The following CNTNAP2 variants were observed in gnomAD, a reference collection of about 807,000 sequenced individuals.
CNTNAP2 encodes the protein contactin-associated protein-like 2.
CNTNAP2 carries 98 observed loss-of-function variants against 155.2 expected under a neutral mutation model. The ratio of observed to expected loss-of-function variants is 0.63; its 90% CI spans 0.54 to 0.75. The LOEUF (loss-of-function observed/expected upper bound fraction) is 0.75. CNTNAP2 is among the 30% of genes least tolerant of loss of function. The pLI, the probability that CNTNAP2 is intolerant of heterozygous loss-of-function variation, is 0.00. For missense variants in CNTNAP2, 1,727 were observed against 1,688.1 expected, an observed-to-expected ratio of 1.02 and a Z score of -0.40; for synonymous variants, 651 against 631.2, an observed-to-expected ratio of 1.03 and a Z score of -0.47.
chr7:147,206,961 T>C (rs1377361279), intron 8 of CNTNAP2, among the ~76,000 whole-genome samples: 1 of 152,168 alleles, frequency 6.6e-6, no homozygotes, highest in Admixed American at 6.5e-5. Flanking sequence ...TACTGCTCAT[T>C]TCAGTAAATC....
chr7:147,059,204 G>A (rs1799616950), intron 4 of CNTNAP2, among the ~76,000 whole-genome samples: 1 of 152,100 alleles, frequency 6.6e-6, no homozygotes, highest in African/African-American at 2.4e-5. Context: ...TGCCTAGAGG[G>A]GCATAATACA....
At chr7:148,245,752 C>T (rs765921156) in intron 20 of CNTNAP2, among the ~76,000 whole-genome samples, 8 of 152,172 alleles carry the variant, frequency 5.3e-5, no homozygotes, top group Non-Finnish European at 7.3e-5. Context: ...GAATTCAGCT[C>T]AGCCAATTGT....
intron 9 of CNTNAP2, among the ~76,000 whole-genome samples, chr7:147,355,765 A>G (rs1428122044): frequency 1.3e-5 from 2 of 152,174 alleles, no homozygotes; most frequent in African/African-American, 4.8e-5. Context: ...GAATAGACCA[A>G]TAACAAGTTC....
intron 11 of CNTNAP2, among the ~76,000 whole-genome samples, chr7:147,550,526 A>G (rs1799831399): frequency 6.6e-6 from 1 of 152,196 alleles, no homozygotes; most frequent in Non-Finnish European, 1.5e-5. Context: ...TCCTTTATAA[A>G]TTACCCAGTC....
At chr7:146,633,832 G>GAAAAAAAAAA (rs60993956) in intron 1 of CNTNAP2, among the ~76,000 whole-genome samples, 1,136 of 78,960 alleles carry the variant, frequency 0.014, 80 homozygotes, top group Non-Finnish European at 0.018. Context: ...TGCATCTAGA[G>GAAAAAAAAAA]AAAAAAAAAA....
rs370388151 is a variant in CNTNAP2, at chr7:147,229,054, T to TAGAG, written c.1349-71086_1349-71085insGAGA. On this transcript the variant is annotated intron_variant, in intron 8 of 23. Coordinates refer to ENST00000361727, the MANE Select transcript of CNTNAP2 (RefSeq NM_014141.6). ...GCCACATTTTCTTTATATATATATA[T>TAGAG]ATAGAGAGAGAGACTAGATAGAAAC... Among the ~76,000 whole-genome samples, 225 of 151,664 alleles carry TAGAG rather than the reference T, an allele frequency of 1.5e-3. 1 individual carries two copies. Among genetic ancestry groups the TAGAG allele is most frequent in the South Asian group, 4.6e-3 (22 of 4,814 alleles).
chr7:148,266,090 C>T (rs1468691970), intron 20 of CNTNAP2, among the ~76,000 whole-genome samples: 1 of 152,178 alleles, frequency 6.6e-6, no homozygotes, highest in Non-Finnish European at 1.5e-5. Flanking sequence ...TGTCTCCTTC[C>T]TCTACACAAT....
chr7:148,217,806 A>G (rs539656150), intron 19 of CNTNAP2, among the ~76,000 whole-genome samples: 1 of 152,354 alleles, frequency 6.6e-6, no homozygotes, highest in East Asian at 1.9e-4. Context: ...TTGCATGTGT[A>G]ATGATTATTT....
At chr7:147,754,851 T>C (rs1444476975) in intron 13 of CNTNAP2, among the ~76,000 whole-genome samples, 2 of 152,194 alleles carry the variant, frequency 1.3e-5, no homozygotes, top group African/African-American at 4.8e-5. Context: ...TTATGAGGCT[T>C]AGTGACGGAT....
chr7:147,018,917 T>A (rs1798771855), intron 3 of CNTNAP2, among the ~76,000 whole-genome samples: 1 of 151,962 alleles, frequency 6.6e-6, no homozygotes, highest in Non-Finnish European at 1.5e-5. Context: ...AACTAATACC[T>A]CAGTGACAAT....
intron 13 of CNTNAP2, among the ~76,000 whole-genome samples, chr7:147,835,750 A>G (rs986165924): frequency 6.6e-6 from 1 of 152,216 alleles, no homozygotes; most frequent in Admixed American, 6.5e-5. Context: ...TCCTGGACTT[A>G]GAAATCTACT....
chr7:146,372,124 A>C (rs1337454273), intron 1 of CNTNAP2, among the ~76,000 whole-genome samples: 2 of 152,306 alleles, frequency 1.3e-5, no homozygotes, highest in East Asian at 3.9e-4. Context: ...TGGAAAGAAC[A>C]GATGTTAAAA....
intron 15 of CNTNAP2, among the ~76,000 whole-genome samples, chr7:148,085,152 C>CTA (rs933797918): frequency 6.6e-6 from 1 of 152,112 alleles, no homozygotes; most frequent in African/African-American, 2.4e-5. Flanking sequence ...CAGTTATGAC[C>CTA]TATATATATG....
chr7:147,848,666 C>A (rs573460731), intron 13 of CNTNAP2, among the ~76,000 whole-genome samples: 1 of 151,940 alleles, frequency 6.6e-6, no homozygotes, highest in Non-Finnish European at 1.5e-5. Context: ...AAGAATTTGG[C>A]CTGTCTGAAT....
chr7:147,243,790 A>G (rs1803994268), intron 8 of CNTNAP2, among the ~76,000 whole-genome samples: 1 of 152,156 alleles, frequency 6.6e-6, no homozygotes, highest in South Asian at 2.1e-4. Flanking sequence ...GCAAAATATT[A>G]AAAGATCTTC....
intron 13 of CNTNAP2, among the ~76,000 whole-genome samples, chr7:147,664,433 T>C (rs1489502425): frequency 1.3e-5 from 2 of 152,206 alleles, no homozygotes; most frequent in Non-Finnish European, 2.9e-5. Context: ...GTCTCAAAAA[T>C]CTGCCTCAAG....
intron 1 of CNTNAP2, among the ~76,000 whole-genome samples, chr7:146,434,921 C>G (rs1390670074): frequency 6.6e-6 from 1 of 152,136 alleles, no homozygotes; most frequent in Non-Finnish European, 1.5e-5. Flanking sequence ...CTCTGCAGGG[C>G]TTTGTGATAC....
At position 146,571,209 on chromosome 7, in the gene CNTNAP2, T is replaced by A. The variant is rs150004877; in HGVS notation, c.98-203062T>A. On this transcript the variant is annotated intron_variant, in intron 1 of 23. Transcript: ENST00000361727. ...ATTCATGGTGTACTCAAAATAATAC[T>A]GTTGGCAGACTGTATATGAGCTGTG... is the stretch of plus-strand genomic sequence containing the variant. Among the ~76,000 whole-genome samples, 725 of 152,246 alleles carry A rather than the reference T, an allele frequency of 4.8e-3. 5 individuals are homozygous for A. Among genetic ancestry groups the A allele is most frequent in the African/African-American group, 0.016 (674 of 41,566 alleles).
chr7:146,483,120 C>T (rs1055366806), intron 1 of CNTNAP2, among the ~76,000 whole-genome samples: 1 of 149,708 alleles, frequency 6.7e-6, no homozygotes, highest in African/African-American at 2.4e-5. Flanking sequence ...ACTAAAAATA[C>T]AAAAAATTAG....
Sources: gnomAD v4.1 joint callset for allele counts (sites outside exome capture counted in the v4.1 genomes callset) on GRCh38, gnomAD v4.1.1 for gene constraint, MANE v1.5 for transcripts, NCBI Gene and HGNC (gene_info 2026-07-23, HGNC 2026-07-21) for gene names.